Variants in CSE1L observed in about 807,000 individuals in gnomAD.
The protein encoded by CSE1L is exportin-2.
In CSE1L, 24 loss-of-function variants were observed where a neutral mutation model predicts 120.4. The ratio of observed to expected loss-of-function variants is 0.20; its 90% CI spans 0.14 to 0.28. The LOEUF (loss-of-function observed/expected upper bound fraction) is 0.28, where lower values mean the gene tolerates loss of function less well. CSE1L is among the 10% of genes least tolerant of loss of function. The probability of loss-of-function intolerance (pLI) is 1.00; values close to 1 mark genes in which losing one functional copy is unlikely to be tolerated. For missense variants in CSE1L, 830 were observed against 1,145.2 expected (o/e 0.72, Z 3.97); for synonymous variants, 402 against 398.3 (o/e 1.01, Z -0.11).
Position 49,068,711 on chromosome 20 carries a change from C to T in CSE1L, c.568-4C>T, listed in dbSNP as rs532294238. ...AAAACCATGTTGCTAAATTCCTTTCCAAGGCCACTATTGAACTCTGCAGTA... is the reference window on the plus strand; with the variant it reads ...AAAACCATGTTGCTAAATTCCTTTCTAAGGCCACTATTGAACTCTGCAGTA... On this transcript the variant is annotated splice_region_variant and splice_polypyrimidine_tract_variant and intron_variant, in intron 6 of 24. Coordinates refer to ENST00000262982, the MANE Select transcript of CSE1L (RefSeq NM_001316.4). 1.7e-5 allele frequency: 28 copies of T among 1,607,408 alleles called. No individual in the cohort carries two copies. Among genetic ancestry groups the T allele is most frequent in the Middle Eastern group, 3.3e-4 (2 of 6,046 alleles).
intron 1 of CSE1L, among the ~76,000 whole-genome samples, chr20:49,053,347 CTTTTTTTTTTTTTTTTT>C (rs11419181): frequency 1.6e-5 from 1 of 63,750 alleles, no homozygotes; most frequent in South Asian, 7.5e-4. Flanking sequence ...AGCAAACTAA[CTTTTTTTTTTTTTTTTT>C]TTTTTTTTTT....
intron 1 of CSE1L, among the ~76,000 whole-genome samples, chr20:49,053,348 T>C (rs1033753670): frequency 1.1e-4 from 2 of 17,570 alleles, no homozygotes; most frequent in African/African-American, 1.6e-3. Flanking sequence ...GCAAACTAAC[T>C]TTTTTTTTTT....
chr20:49,051,052 A>G (rs1006025388), intron 1 of CSE1L, among the ~76,000 whole-genome samples: 6 of 152,258 alleles, frequency 3.9e-5, no homozygotes, highest in Admixed American at 2.6e-4. Context: ...AGCAGTGAAC[A>G]AAGCACAAAG....
chr20:49,077,482 A>T (rs552898323), intron 13 of CSE1L, among the ~76,000 whole-genome samples: 1 of 152,260 alleles, frequency 6.6e-6, no homozygotes, highest in East Asian at 1.9e-4. Context: ...TATTGAATAA[A>T]ATCTCAAATG....
intron 8 of CSE1L, among the ~76,000 whole-genome samples, chr20:49,071,967 C>CA (rs569520524): frequency 0.69 from 74,828 of 109,078 alleles, 24,771 homozygotes; most frequent in African/African-American, 0.84. Context: ...GACTGCGTCT[C>CA]AAAAAAAAAA....
At chr20:49,086,359 CTTTTTTT>C (rs10648977) in intron 16 of CSE1L, among the ~76,000 whole-genome samples, 2 of 77,644 alleles carry the variant, frequency 2.6e-5, no homozygotes, top group Non-Finnish European at 4.5e-5. Flanking sequence ...GTTTAATGTC[CTTTTTTT>C]TTTTTTTTTT....
chr20:49,077,113 G>C (rs757642645), intron 13 of CSE1L, 49 bp downstream of exon 13: 1 of 1,045,398 alleles, frequency 9.6e-7, no homozygotes, highest in Non-Finnish European at 1.4e-6. Flanking sequence ...CACTATACCT[G>C]AATTCAAAAA....
intron 2 of CSE1L, among the ~76,000 whole-genome samples, chr20:49,058,812 C>A (rs1390424545): frequency 1.3e-5 from 2 of 152,082 alleles, no homozygotes; most frequent in East Asian, 3.8e-4. Flanking sequence ...TTGTCTTTGA[C>A]CTTTTCCAAA....
At chr20:49,056,313 A>T (rs112356879) in intron 1 of CSE1L, among the ~76,000 whole-genome samples, 5 of 152,106 alleles carry the variant, frequency 3.3e-5, no homozygotes, top group African/African-American at 1.2e-4. Flanking sequence ...CATGCTGGCC[A>T]GGCTGGTCTC....
At chr20:49,091,527 AGTT>A (rs2092100876) in intron 21 of CSE1L, among the ~76,000 whole-genome samples, 1 of 151,954 alleles carries the variant, frequency 6.6e-6, no homozygotes, top group Non-Finnish European at 1.5e-5. Context: ...TGAGTCCAGG[AGTT>A]AACGACCAGC....
At chr20:49,092,450 A>G (rs1307614723) in intron 22 of CSE1L, among the ~76,000 whole-genome samples, 1 of 151,850 alleles carries the variant, frequency 6.6e-6, no homozygotes, top group African/African-American at 2.4e-5. Context: ...AATCCTCTAG[A>G]TTAGAGGACC....
intron 8 of CSE1L, among the ~76,000 whole-genome samples, 179 bp from the exon 9 acceptor site, chr20:49,072,107 T>G (rs769801429): frequency 6.6e-6 from 1 of 152,242 alleles, no homozygotes; most frequent in Non-Finnish European, 1.5e-5. Flanking sequence ...ATTTTGTAAT[T>G]CAGCAACTTA....
At chr20:49,087,901 A>C in intron 16 of CSE1L, 108 bp from the exon 17 acceptor site, 1 of 658,058 alleles carries the variant, frequency 1.5e-6, no homozygotes, top group Non-Finnish European at 2.6e-6. Context: ...TTGTCTAAGC[A>C]TCTTAAAATT....
chr20:49,090,150 C>T (rs922679261), intron 19 of CSE1L, among the ~76,000 whole-genome samples: 7 of 151,612 alleles, frequency 4.6e-5, no homozygotes, highest in Non-Finnish European at 1.0e-4. Flanking sequence ...ATAATAATAA[C>T]GGAAATAATT....
intron 15 of CSE1L, 96 bp from the exon 16 acceptor site, chr20:49,085,187 T>C: frequency 2.3e-6 from 2 of 879,408 alleles, no homozygotes; most frequent in South Asian, 2.8e-5. Context: ...TGGCTCAGTT[T>C]TATGCTGAGA....
At chr20:49,073,938 G>C (rs570739152) in intron 10 of CSE1L, among the ~76,000 whole-genome samples, 2 of 152,228 alleles carry the variant, frequency 1.3e-5, no homozygotes, top group Admixed American at 1.3e-4. Context: ...CTTCTGGCTG[G>C]GTGTGGTGGC....
At chr20:49,063,146 T>G (rs2091865152) in intron 2 of CSE1L, 56 bp from the exon 3 acceptor site, 1 of 992,826 alleles carries the variant, frequency 1.0e-6, no homozygotes, top group South Asian at 2.1e-5. Flanking sequence ...ATATTTGATA[T>G]ATATAAGGTG....
chr20:49,061,166 A>ATT (rs2091849461), intron 2 of CSE1L, among the ~76,000 whole-genome samples: 4 of 142,610 alleles, frequency 2.8e-5, no homozygotes, highest in South Asian at 2.3e-4. Flanking sequence ...CACTATTAAA[A>ATT]ATTTTTTTTT....
chr20:49,066,119 AT>A, intron 3 of CSE1L, 72 bp from the exon 4 acceptor site: 1 of 1,250,026 alleles, frequency 8.0e-7, no homozygotes, highest in South Asian at 1.3e-5. Flanking sequence ...AAAAACAGTT[AT>A]GTTTTACCTA....
Sources: gnomAD v4.1 joint callset for allele counts (sites outside exome capture counted in the v4.1 genomes callset) on GRCh38, gnomAD v4.1.1 for gene constraint, MANE v1.5 for transcripts, NCBI Gene and HGNC (gene_info 2026-07-23, HGNC 2026-07-21) for gene names.